PTCD1: variants seen among roughly 807,000 people sequenced by gnomAD.
PTCD1 encodes the protein pentatricopeptide repeat-containing protein 1, mitochondrial.
A neutral mutation model predicts 53.4 loss-of-function variants in PTCD1; 50 were observed. That is an observed-to-expected ratio of 0.94 (90% CI 0.75 to 1.19). The LOEUF is 1.19. Ranked by LOEUF, PTCD1 falls within the 50% of genes most tolerant of loss-of-function variation. The pLI, the probability that PTCD1 is intolerant of heterozygous loss-of-function variation, is 0.00. For missense variants in PTCD1, 918 were observed against 904.8 expected (o/e 1.01, Z -0.19); for synonymous variants, 413 against 394.8 (o/e 1.05, Z -0.55).
chr7:99,421,450 AAAAAG>A (rs1405728693), intron 7 of PTCD1, among the ~76,000 whole-genome samples: 4 of 151,296 alleles, frequency 2.6e-5, no homozygotes, highest in Non-Finnish European at 5.9e-5. Flanking sequence ...AAAAAAAAGA[AAAAAG>A]AAAATGCGGC....
chr7:99,435,726 C>T (rs948597362), intron 1 of PTCD1, among the ~76,000 whole-genome samples: 5 of 151,484 alleles, frequency 3.3e-5, no homozygotes, highest in African/African-American at 1.2e-4. Flanking sequence ...GAGGCCGAGG[C>T]GGGCAGATCA....
intron 7 of PTCD1, 142 bp downstream of exon 7, chr7:99,423,633 T>A: frequency 2.3e-6 from 3 of 1,322,444 alleles, no homozygotes; most frequent in Non-Finnish European, 3.2e-6. Context: ...TCTACAGACT[T>A]GGGTACTGCT....
rs771351214 is a variant in PTCD1, at chr7:99,425,044, C to T, written c.1488G>A (p.Val496=). ...ACTCTGCAGGACTCCCGGACTCCAC[C>T]ACCTCGGCCAGTAGCGTGAGGGTCC... ...DIRTLTLLAE[V]VESGSPAESL... is the part of the protein sequence containing the mutation. The change falls in exon 6 of 8, where the codon GTG becomes GTA. Residue 496 remains valine, a synonymous_variant. Coordinates refer to ENST00000292478, the MANE Select transcript of PTCD1 (RefSeq NM_015545.4). 6.2e-7 allele frequency: 1 copy of T among 1,614,096 alleles called. No homozygotes were observed. The highest frequency in any genetic ancestry group is 1.3e-5 in the African/African-American group (1 of 74,948).
rs544345497 is a variant in PTCD1, at chr7:99,418,242, C to G, written c.*1725G>C. ...TCAGCCTCCCAAAGTGCCGGGATTACAGGCATGAGCTACTGCGCCCAGCCC... is the reference window on the plus strand; with the variant it reads ...TCAGCCTCCCAAAGTGCCGGGATTAGAGGCATGAGCTACTGCGCCCAGCCC... On this transcript the variant is annotated 3_prime_UTR_variant, in exon 8 of 8. Transcript: ENST00000292478. 5.9e-6 allele frequency: 1 copy of G among 169,604 alleles called. No homozygotes were observed. Among genetic ancestry groups the G allele is most frequent in the African/African-American group, 2.4e-5 (1 of 41,680 alleles). The allele number at this position is 169,604 out of a possible 1,614,324, so 10.5% of individuals were successfully genotyped here. A position where few individuals can be genotyped will look rare whatever the true frequency, so the allele number is the denominator to read the frequency against.
At position 99,436,974 on chromosome 7, in the gene PTCD1, C is replaced by T. The variant is rs1412664759; in HGVS notation, c.-26-1706G>A. Among the ~76,000 whole-genome samples, 3 of 152,234 alleles carry T rather than the reference C, an allele frequency of 2.0e-5. No individual in the cohort carries two copies. In the East Asian group the frequency reaches 5.8e-4, roughly 29 times the overall value. On this transcript the variant is annotated intron_variant, in intron 1 of 7. Coordinates refer to ENST00000292478, the MANE Select transcript of PTCD1 (RefSeq NM_015545.4). The stretch of plus-strand genomic sequence containing the variant: ...CCAACTCCTGGGCTCAAGTGATCCT[C>T]CTACCTCAGCCTCTCAATTAACTAG...
intron 1 of PTCD1, among the ~76,000 whole-genome samples, chr7:99,437,536 C>T (rs2150964180): frequency 6.6e-6 from 1 of 152,264 alleles, no homozygotes; most frequent in East Asian, 1.9e-4. Flanking sequence ...ATCTTTTGAC[C>T]TTGTGATCCG....
chr7:99,438,407 G>A (rs926759416), intron 1 of PTCD1: 1 of 580,274 alleles, frequency 1.7e-6, no homozygotes, highest in Non-Finnish European at 2.2e-6. Context: ...GTTGACTGCA[G>A]TGAGCTATGA....
chr7:99,433,379 T>A lies in PTCD1; in HGVS notation c.493A>T (p.Lys165Ter). The change falls in exon 3 of 8, where the codon AAG becomes TAG. Residue 165 changes from lysine (K) to a stop codon, truncating the protein, a stop_gained. Coordinates refer to ENST00000292478, the MANE Select transcript of PTCD1 (RefSeq NM_015545.4). LOFTEE classifies it high-confidence loss of function. ...TCCATGGGCTGCAATCGCTCCTCCT[T>A]CAGCATCTGCCTCTCAAACAGGTCC... Reference protein sequence around the residue: ...ALDLFERQMLKEERLQPMESN... With the variant: ...ALDLFERQML 6 of 1,614,130 alleles carry A rather than the reference T, an allele frequency of 3.7e-6. No homozygotes were observed. The highest frequency in any genetic ancestry group is 5.1e-6 in the Non-Finnish European group (6 of 1,180,034).
rs777870987 is a variant in PTCD1, at chr7:99,433,341, C to T, written c.531G>A (p.Thr177=). The change falls in exon 3 of 8, where the codon ACG becomes ACA. Residue 177 remains threonine (T), a synonymous_variant. Coordinates refer to ENST00000292478, the MANE Select transcript of PTCD1 (RefSeq NM_015545.4). ...CCCGCCCGCAGCCCCCAATCAGCAC[C>T]GTGTAGTTGCTCTCCATGGGCTGCA... ...ERLQPMESNY[T]VLIGGCGRVG... 1.5e-5 allele frequency: 25 copies of T among 1,614,180 alleles called. No homozygotes were observed. Among genetic ancestry groups the T allele is most frequent in the Non-Finnish European group, 2.0e-5 (24 of 1,180,034 alleles).
intron 1 of PTCD1, among the ~76,000 whole-genome samples, chr7:99,437,860 T>G (rs1796549693): frequency 2.6e-5 from 4 of 152,048 alleles, no homozygotes; most frequent in African/African-American, 9.7e-5. Context: ...GGACGGGGTT[T>G]TGCCATCCTG....
chr7:99,422,657 G>A (rs1795867670), intron 7 of PTCD1, among the ~76,000 whole-genome samples: 1 of 152,320 alleles, frequency 6.6e-6, no homozygotes, highest in Middle Eastern at 3.4e-3. Context: ...AAGCAAACTG[G>A]AAGCTTGCAG....
At position 99,424,813 on chromosome 7, in the gene PTCD1, C is replaced by T. The variant is rs369819726; in HGVS notation, c.1719G>A (p.Gln573=). The stretch of plus-strand genomic sequence containing the variant: ...CACTCACCTTCATGTCTGTGAGAAG[C>T]TGTAGACCGTCCTTCGGCCTGTGGC... ...IGCHRPKDGL[Q]LLTDMKKSQV... is the part of the protein sequence containing the mutation. Residue 573 remains glutamine, a synonymous_variant, in exon 6 of 8, where the codon CAG becomes CAA. Transcript: ENST00000292478. The T allele has an allele frequency of 1.9e-6, 3 of 1,614,106 alleles. No homozygotes were observed. In the African/African-American group the frequency reaches 4.0e-5, roughly 22 times the overall value.
At chr7:99,431,032 A>T (rs532014002) in intron 3 of PTCD1, among the ~76,000 whole-genome samples, 4 of 152,114 alleles carry the variant, frequency 2.6e-5, no homozygotes, top group Non-Finnish European at 5.9e-5. Flanking sequence ...CCGAGGTCGC[A>T]CCACTGCACT....
chr7:99,425,231 GGT>G lies in PTCD1; in HGVS notation c.1299_1300del (p.Pro434SerfsTer29). On this transcript the variant is annotated frameshift_variant, in exon 6 of 8. Coordinates refer to ENST00000292478, the MANE Select transcript of PTCD1 (RefSeq NM_015545.4). LOFTEE classifies it high-confidence loss of function. ...GAGGTTGACTTCCAGCTCCACGGGAGGTGGCTTCAGGGCCACTGCGGTGAGGG... is the reference window on the plus strand; with the variant it reads ...GAGGTTGACTTCCAGCTCCACGGGAGGGCTTCAGGGCCACTGCGGTGAGGG... 1 of 1,612,098 alleles carries G rather than the reference GGT, an allele frequency of 6.2e-7. No individual in the cohort carries two copies. The highest frequency in any genetic ancestry group is 1.1e-5 in the South Asian group (1 of 91,022).
chr7:99,435,077 C>G lies in PTCD1; in HGVS notation c.166G>C (p.Gly56Arg). The G allele has an allele frequency of 6.2e-7, 1 of 1,610,770 alleles. No individual in the cohort carries two copies. The highest frequency in any genetic ancestry group is 8.5e-7 in the Non-Finnish European group (1 of 1,178,808). Residue 56 changes from glycine (G) to arginine (R), a missense_variant, in exon 2 of 8, where the codon GGC becomes CGC. Physicochemically the swap from Gly to Arg is moderately radical, Grantham distance 125 (BLOSUM62 -2). Transcript: ENST00000292478. ...CCCGTGTTTTCCTGACGCTCCTGGC[C>G]GAGGGGCAGCTGAGAGGAGGAGCTG... Reference protein sequence around the residue: ...FSSSSSQLPLGQERQENTGSL... With the variant: ...FSSSSSQLPLRQERQENTGSL...
intron 1 of PTCD1, among the ~76,000 whole-genome samples, chr7:99,437,170 G>A (rs762291243): frequency 1.3e-5 from 2 of 152,052 alleles, no homozygotes; most frequent in East Asian, 1.9e-4. Flanking sequence ...CCTGCCTTAC[G>A]TGCATTAATT....
chr7:99,436,890 G>A (rs1300250921), intron 1 of PTCD1, among the ~76,000 whole-genome samples: 1 of 152,212 alleles, frequency 6.6e-6, no homozygotes, highest in African/African-American at 2.4e-5. Flanking sequence ...GGGTCTTCAT[G>A]TTGCCCAGGC....
intron 1 of PTCD1, among the ~76,000 whole-genome samples, chr7:99,437,307 A>T (rs533433711): frequency 1.3e-5 from 2 of 152,132 alleles, no homozygotes; most frequent in African/African-American, 4.8e-5. Flanking sequence ...AGACCCTATC[A>T]TAATTTCTTT....
At chr7:99,433,569 G>GC in intron 2 of PTCD1, 151 bp from the exon 3 acceptor site, 1 of 1,476,564 alleles carries the variant, frequency 6.8e-7, no homozygotes, top group Non-Finnish European at 9.2e-7. Flanking sequence ...AGCTGTTTCT[G>GC]CCCCATCCCT....
Sources: gnomAD v4.1 joint callset for allele counts (sites outside exome capture counted in the v4.1 genomes callset) on GRCh38, gnomAD v4.1.1 for gene constraint, MANE v1.5 for transcripts, NCBI Gene and HGNC (gene_info 2026-07-23, HGNC 2026-07-21) for gene names.